SLK: variants seen among roughly 807,000 people sequenced by gnomAD.
The protein encoded by SLK is STE20 like kinase, also known as STE20-like serine/threonine-protein kinase.
A neutral mutation model predicts 147.7 loss-of-function variants in SLK; 67 were observed. The ratio of observed to expected loss-of-function variants is 0.45; its 90% CI spans 0.37 to 0.56. The LOEUF is 0.56. Among genes scored for constraint, SLK ranks in the 20% least tolerant of loss-of-function variants. The pLI is 0.00. For missense variants in SLK, 1,136 were observed against 1,438.8 expected, an observed-to-expected ratio of 0.79 and a Z score of 3.41; for synonymous variants, 441 against 475.0, an observed-to-expected ratio of 0.93 and a Z score of 0.93.
intron 1 of SLK, among the ~76,000 whole-genome samples, chr10:103,980,159 C>T (rs796944128): frequency 1.6e-4 from 25 of 152,212 alleles, no homozygotes; most frequent in Admixed American, 5.9e-4. Flanking sequence ...GATGTCCGTA[C>T]GCACATAGTA....
intron 1 of SLK, among the ~76,000 whole-genome samples, chr10:103,985,131 T>C (rs1589529085): frequency 1.3e-5 from 2 of 152,344 alleles, no homozygotes; most frequent in East Asian, 3.8e-4. Context: ...ATTATTATTG[T>C]TGTTAGTCTC....
At chr10:103,971,034 A>G (rs533422262) in intron 1 of SLK, among the ~76,000 whole-genome samples, 2 of 152,194 alleles carry the variant, frequency 1.3e-5, no homozygotes, top group African/African-American at 2.4e-5. Context: ...TGTAACCTAT[A>G]GGTAATCATG....
chr10:103,979,697 CTT>C (rs1843916029), intron 1 of SLK, among the ~76,000 whole-genome samples: 1 of 152,024 alleles, frequency 6.6e-6, no homozygotes, highest in Non-Finnish European at 1.5e-5. Context: ...TTGTTAAAGT[CTT>C]TTGGGCTCTC....
At chr10:103,968,912 T>C (rs1843755829) in intron 1 of SLK, among the ~76,000 whole-genome samples, 1 of 152,144 alleles carries the variant, frequency 6.6e-6, no homozygotes, top group African/African-American at 2.4e-5. Flanking sequence ...TGAGCCCATA[T>C]TTAGTATTGT....
intron 12 of SLK, among the ~76,000 whole-genome samples, chr10:104,010,274 T>A (rs1353429042): frequency 6.6e-6 from 1 of 152,190 alleles, no homozygotes; most frequent in Non-Finnish European, 1.5e-5. Flanking sequence ...ATGAAAAAAC[T>A]TAGTATCCAT....
chr10:104,017,133 G>A (rs1406440145), intron 13 of SLK, among the ~76,000 whole-genome samples: 3 of 152,122 alleles, frequency 2.0e-5, no homozygotes, highest in African/African-American at 7.2e-5. Flanking sequence ...TTTTTCTAAA[G>A]CAGAAATTTG....
intron 13 of SLK, among the ~76,000 whole-genome samples, chr10:104,017,528 G>A (rs1844479144): frequency 6.6e-6 from 1 of 152,090 alleles, no homozygotes; most frequent in Non-Finnish European, 1.5e-5. Context: ...CACCCAGGTT[G>A]GAATGCAGTG....
intron 1 of SLK, among the ~76,000 whole-genome samples, chr10:103,983,263 A>G (rs1474167660): frequency 1.3e-5 from 2 of 152,224 alleles, no homozygotes; most frequent in Admixed American, 6.5e-5. Flanking sequence ...CATAATTTGC[A>G]TGTAATTTAA....
chr10:103,992,654 C>T lies in SLK; in HGVS notation c.364+8C>T, dbSNP rs117781894. The T allele has an allele frequency of 0.014, 22,193 of 1,579,920 alleles. 245 individuals carry two copies. The highest frequency in any genetic ancestry group is 0.017 in the Non-Finnish European group (20,000 of 1,159,080). ...TAGATGCTGTGATGCTTGGTAAATACCTTTTTGTTCTTTCTGTTCATATCT... is the reference window on the plus strand; with the variant it reads ...TAGATGCTGTGATGCTTGGTAAATATCTTTTTGTTCTTTCTGTTCATATCT... On this transcript the variant is annotated splice_region_variant and intron_variant, in intron 3 of 18. Coordinates refer to ENST00000369755, the MANE Select transcript of SLK (RefSeq NM_014720.4).
chr10:103,984,199 A>G (rs965888952), intron 1 of SLK, among the ~76,000 whole-genome samples: 3 of 152,324 alleles, frequency 2.0e-5, no homozygotes, highest in Admixed American at 6.5e-5. Context: ...GGATATTACT[A>G]TATACGATAA....
At chr10:103,997,095 C>T (rs1292812679) in intron 4 of SLK, among the ~76,000 whole-genome samples, 1 of 152,124 alleles carries the variant, frequency 6.6e-6, no homozygotes, top group African/African-American at 2.4e-5. Flanking sequence ...CCACTCCTCC[C>T]AGCTTCTGGC....
At chr10:103,994,580 A>G (rs1245964322) in intron 4 of SLK, among the ~76,000 whole-genome samples, 2 of 152,124 alleles carry the variant, frequency 1.3e-5, no homozygotes, top group African/African-American at 4.8e-5. Flanking sequence ...TTAGTTCTTT[A>G]GGGCCAAAAA....
rs771038601 is a variant in SLK, at chr10:103,999,287, A to G, written c.756A>G (p.Pro252=). The G allele has an allele frequency of 6.2e-7, 1 of 1,612,206 alleles. No homozygotes were observed. The highest frequency in any genetic ancestry group is 1.1e-5 in the South Asian group (1 of 90,666). The change falls in exon 6 of 19, where the codon CCA becomes CCG. Residue 252 remains proline, a synonymous_variant. Coordinates refer to ENST00000369755, the MANE Select transcript of SLK (RefSeq NM_014720.4). The part of the protein sequence containing the change: ...RVLLKIAKSE[P]PTLAQPSRWS... The stretch of plus-strand genomic sequence containing the variant: ...TGCTAAAAATAGCAAAATCTGAGCC[A>G]CCTACATTAGCACAGCCATCCAGAT...
chr10:103,997,534 T>G (rs1473697048), intron 4 of SLK, among the ~76,000 whole-genome samples: 1 of 152,146 alleles, frequency 6.6e-6, no homozygotes, highest in East Asian at 1.9e-4. Context: ...CATTTTACAT[T>G]TCTAACGGAA....
chr10:104,003,667 G>A, intron 9 of SLK, 140 bp downstream of exon 9: 2 of 759,340 alleles, frequency 2.6e-6, no homozygotes, highest in Non-Finnish European at 4.0e-6. Flanking sequence ...GCCTATGAAA[G>A]CAATTAAAAA....
rs1232894585 is a variant in SLK at position 104,028,024 on chromosome 10, T to C, written c.*2304T>C. ...TAATACTTAAAGTTATATAAATCTTTTCAAAAAGTGTTTTGTTATAAAATA... is the reference window on the plus strand; with the variant it reads ...TAATACTTAAAGTTATATAAATCTTCTCAAAAAGTGTTTTGTTATAAAATA... On this transcript the variant is annotated 3_prime_UTR_variant, in exon 19 of 19. Transcript: ENST00000369755. 1.3e-5 allele frequency: 2 copies of C among 152,210 alleles called. No individual in the cohort carries two copies. Among genetic ancestry groups the C allele is most frequent in the African/African-American group, 2.4e-5 (1 of 41,444 alleles). 9.4% of individuals were successfully genotyped at this position (152,210 alleles called of 1,614,324 possible).
At chr10:104,014,255 T>C (rs1316022402) in intron 13 of SLK, among the ~76,000 whole-genome samples, 1 of 152,244 alleles carries the variant, frequency 6.6e-6, no homozygotes, top group Admixed American at 6.5e-5. Flanking sequence ...TGATTTTCAT[T>C]CCGTTTAACT....
chr10:103,986,668 G>GT (rs759976399), intron 1 of SLK, among the ~76,000 whole-genome samples: 3,585 of 97,176 alleles, frequency 0.037, 113 homozygotes, highest in African/African-American at 0.098. Flanking sequence ...TATGTGAAGA[G>GT]TTTTTTTTTT....
Position 104,021,647 on chromosome 10 carries a change from C to T in SLK, c.3475C>T (p.His1159Tyr), listed in dbSNP as rs138622989. Residue 1159 changes from histidine to tyrosine, a missense_variant, in exon 18 of 19, where the codon CAT becomes TAT. By Grantham distance (83) the His-to-Tyr change is moderately conservative. Around this residue, in one of 6 missense-constraint regions of SLK, gnomAD observed 327 missense variants for 457.5 expected, o/e 0.71. Coordinates refer to ENST00000369755, the MANE Select transcript of SLK (RefSeq NM_014720.4). ...TGAAAAATGCCACTTGTTGGTTGAG[C>T]ATGAGACTCAGAAACTGAAGGAGTT... The part of the protein sequence containing the change: ...QNEKCHLLVE[H>Y]ETQKLKELDE... 96 of 1,609,490 alleles carry T rather than the reference C, an allele frequency of 6.0e-5. No homozygotes were observed. Among genetic ancestry groups the T allele is most frequent in the Non-Finnish European group, 7.9e-5 (93 of 1,177,862 alleles).
Sources: allele counts gnomAD v4.1 joint callset (sites outside exome capture counted in the v4.1 genomes callset), GRCh38; gene constraint gnomAD v4.1.1; regional missense constraint gnomAD v4.1.1; transcripts MANE v1.5; gene names NCBI Gene and HGNC (gene_info 2026-07-23, HGNC 2026-07-21).